The following FOXP2 variants were observed in gnomAD, a reference collection of about 807,000 sequenced individuals.
The protein encoded by FOXP2 is forkhead box protein P2.
In FOXP2, 12 loss-of-function variants were observed where a neutral mutation model predicts 115.8. The observed-to-expected ratio is 0.10, with a 90% CI of 0.07 to 0.17. FOXP2 has a LOEUF of 0.17. FOXP2 is among the 10% of genes least tolerant of loss of function. The pLI, the probability that FOXP2 is intolerant of heterozygous loss-of-function variation, is 1.00. For synonymous variants in FOXP2, 328 were observed against 297.7 expected, an observed-to-expected ratio of 1.10 and a Z score of -1.05; for missense variants, 629 against 843.5, an observed-to-expected ratio of 0.75 and a Z score of 3.15.
chr7:114,581,321 C>A (rs540529994), intron 3 of FOXP2, among the ~76,000 whole-genome samples: 1 of 151,934 alleles, frequency 6.6e-6, no homozygotes, highest in South Asian at 2.1e-4. Context: ...GTAGTTGGCA[C>A]CACAGGCACA....
chr7:114,644,580 C>A (rs1236448543), intron 7 of FOXP2, 105 bp from the exon 8 acceptor site: 2 of 874,558 alleles, frequency 2.3e-6, no homozygotes, highest in Non-Finnish European at 3.8e-6. Flanking sequence ...GCTGAATTGA[C>A]CTGTTTTGAC....
intron 1 of FOXP2, among the ~76,000 whole-genome samples, chr7:114,178,145 G>C (rs1328228890): frequency 6.6e-6 from 1 of 151,874 alleles, no homozygotes; most frequent in Admixed American, 6.6e-5. Context: ...AGTAGGGAGA[G>C]ATGAAACATT....
chr7:114,603,214 T>C (rs1293665300), intron 3 of FOXP2, among the ~76,000 whole-genome samples: 1 of 152,190 alleles, frequency 6.6e-6, no homozygotes, highest in Admixed American at 6.5e-5. Flanking sequence ...ATCAGAGTTG[T>C]ATTAATTAAT....
At chr7:114,250,831 G>T (rs1472200778) in intron 1 of FOXP2, among the ~76,000 whole-genome samples, 1 of 152,110 alleles carries the variant, frequency 6.6e-6, no homozygotes, top group Non-Finnish European at 1.5e-5. Context: ...TTTGGCTTTT[G>T]TTGCCATTGC....
chr7:114,601,089 A>G (rs959881531), intron 3 of FOXP2, among the ~76,000 whole-genome samples: 12 of 151,974 alleles, frequency 7.9e-5, no homozygotes, highest in African/African-American at 2.7e-4. Context: ...TTAGTCTCCC[A>G]AGTAGCTAGG....
Position 114,531,678 on chromosome 7 carries a change from T to A in FOXP2, c.169-2939T>A, listed in dbSNP as rs548407750. Among the ~76,000 whole-genome samples, 9 of 152,050 alleles carry A rather than the reference T, an allele frequency of 5.9e-5. No homozygotes were observed. In the South Asian group the frequency reaches 1.9e-3, roughly 31 times the overall value. On this transcript the variant is annotated intron_variant, in intron 2 of 16. Coordinates refer to ENST00000350908, the MANE Select transcript of FOXP2 (RefSeq NM_014491.4). ...TTGAAATAGGAAAGAAGTTATTTTTTCTAAGAGTTTGTATTAAAAGATGAT... is the reference window on the plus strand; with the variant it reads ...TTGAAATAGGAAAGAAGTTATTTTTACTAAGAGTTTGTATTAAAAGATGAT...
chr7:114,548,117 A>G (rs1800024347), intron 3 of FOXP2, among the ~76,000 whole-genome samples: 1 of 152,178 alleles, frequency 6.6e-6, no homozygotes, highest in Non-Finnish European at 1.5e-5. Flanking sequence ...CATGGCCACA[A>G]GATAACTCTC....
intron 3 of FOXP2, among the ~76,000 whole-genome samples, chr7:114,569,072 T>A (rs1028791940): frequency 6.6e-6 from 1 of 151,960 alleles, no homozygotes; most frequent in Non-Finnish European, 1.5e-5. Context: ...ATTGTGACAA[T>A]CACTTATTTT....
chr7:114,250,411 A>G (rs2129169295), intron 1 of FOXP2, among the ~76,000 whole-genome samples: 1 of 152,340 alleles, frequency 6.6e-6, no homozygotes, highest in Middle Eastern at 3.4e-3. Context: ...CAGTCCCACC[A>G]GCAGTATAAA....
chr7:114,180,799 T>A (rs1793435874), intron 1 of FOXP2, among the ~76,000 whole-genome samples: 1 of 152,026 alleles, frequency 6.6e-6, no homozygotes, highest in South Asian at 2.1e-4. Context: ...TACAGCCCAC[T>A]GATGCTATCC....
chr7:114,156,833 T>G (rs915554898), intron 1 of FOXP2, among the ~76,000 whole-genome samples: 1 of 152,176 alleles, frequency 6.6e-6, no homozygotes, highest in African/African-American at 2.4e-5. Flanking sequence ...AAAGAAATTG[T>G]CATGTAACAT....
chr7:114,508,525 A>C (rs771116519), intron 2 of FOXP2, among the ~76,000 whole-genome samples: 6 of 152,046 alleles, frequency 3.9e-5, no homozygotes, highest in Non-Finnish European at 7.4e-5. Flanking sequence ...GTACAGAAGG[A>C]GAGCCCTTAT....
chr7:114,296,959 G>A (rs1796754194), intron 2 of FOXP2, among the ~76,000 whole-genome samples: 1 of 151,968 alleles, frequency 6.6e-6, no homozygotes, highest in Non-Finnish European at 1.5e-5. Context: ...CCTCTTAAAT[G>A]TGTATAGTTA....
chr7:114,643,329 C>G (rs1456284838), intron 7 of FOXP2, among the ~76,000 whole-genome samples: 1 of 152,030 alleles, frequency 6.6e-6, no homozygotes, highest in Non-Finnish European at 1.5e-5. Flanking sequence ...ATGGATATCT[C>G]TCTTATATGT....
intron 1 of FOXP2, among the ~76,000 whole-genome samples, chr7:114,248,206 G>GAGAGAGAC (rs1222724437): frequency 1.3e-5 from 2 of 150,884 alleles, no homozygotes; most frequent in African/African-American, 2.5e-5. Flanking sequence ...GAGAGAGAGA[G>GAGAGAGAC]AGAGAGACAG....
chr7:114,323,806 G>C (rs1231439350), intron 2 of FOXP2, among the ~76,000 whole-genome samples: 1 of 151,874 alleles, frequency 6.6e-6, no homozygotes, highest in Non-Finnish European at 1.5e-5. Context: ...TTTAGATTTT[G>C]TCTTTAGCAT....
intron 2 of FOXP2, among the ~76,000 whole-genome samples, chr7:114,304,052 A>G (rs1796943616): frequency 6.6e-6 from 1 of 152,206 alleles, no homozygotes; most frequent in African/African-American, 2.4e-5. Flanking sequence ...TGTAGTCTGT[A>G]ATAACAAATA....
intron 2 of FOXP2, among the ~76,000 whole-genome samples, chr7:114,528,678 C>A (rs1336332752): frequency 6.6e-6 from 1 of 151,410 alleles, no homozygotes; most frequent in Non-Finnish European, 1.5e-5. Context: ...ATGTATTTTT[C>A]AGTTAATATC....
chr7:114,532,638 G>A (rs2129276270), intron 2 of FOXP2, among the ~76,000 whole-genome samples: 1 of 151,838 alleles, frequency 6.6e-6, no homozygotes, highest in Admixed American at 6.6e-5. Context: ...TTTAGTCCTT[G>A]TCATTCATGA....
Sources: allele counts gnomAD v4.1 joint callset (sites outside exome capture counted in the v4.1 genomes callset), GRCh38; gene constraint gnomAD v4.1.1; transcripts MANE v1.5; gene names NCBI Gene and HGNC (gene_info 2026-07-23, HGNC 2026-07-21).